PCDH9: variants seen among roughly 807,000 people sequenced by gnomAD.
PCDH9 encodes the protein protocadherin 9, also known as protocadherin-9.
A neutral mutation model predicts 70.6 loss-of-function variants in PCDH9; 24 were observed. The ratio of observed to expected loss-of-function variants is 0.34; its 90% confidence interval spans 0.25 to 0.48. The LOEUF is 0.48. PCDH9 is among the 20% of genes least tolerant of loss of function. PCDH9 has a pLI of 0.99. For synonymous variants in PCDH9, 562 were observed against 558.5 expected (o/e 1.01, Z -0.09); for missense variants, 1,281 against 1,503.6 (o/e 0.85, Z 2.45).
intron 2 of PCDH9, among the ~76,000 whole-genome samples, chr13:66,949,018 ACTTCT>A (rs961669796): frequency 1.1e-4 from 16 of 152,162 alleles, no homozygotes; most frequent in African/African-American, 3.9e-4. Flanking sequence ...GAAAAAAAAA[ACTTCT>A]CTTAATCTTT....
At chr13:66,785,216 G>C (rs546337784) in intron 3 of PCDH9, among the ~76,000 whole-genome samples, 5 of 151,878 alleles carry the variant, frequency 3.3e-5, no homozygotes, top group Admixed American at 2.6e-4. Flanking sequence ...GGATATTGTA[G>C]GTTTGTCTAA....
chr13:66,970,014 C>T (rs1339670656), intron 2 of PCDH9, among the ~76,000 whole-genome samples: 2 of 151,916 alleles, frequency 1.3e-5, no homozygotes, highest in Non-Finnish European at 2.9e-5. Context: ...ATTCTAGTTA[C>T]AATTGTCCCT....
intron 4 of PCDH9, among the ~76,000 whole-genome samples, chr13:66,622,346 G>A (rs538126987): frequency 2.1e-4 from 32 of 152,312 alleles, no homozygotes; most frequent in Non-Finnish European, 4.4e-5. Context: ...CCACAGCGTG[G>A]GACTGGCAGG....
At chr13:66,569,346 G>A (rs1337783370) in intron 4 of PCDH9, among the ~76,000 whole-genome samples, 1 of 151,774 alleles carries the variant, frequency 6.6e-6, no homozygotes, top group Non-Finnish European at 1.5e-5. Context: ...CAATTAGAAA[G>A]GGTAGATAAA....
At chr13:66,483,024 C>T (rs1437992736) in intron 4 of PCDH9, among the ~76,000 whole-genome samples, 1 of 152,194 alleles carries the variant, frequency 6.6e-6, no homozygotes, top group Non-Finnish European at 1.5e-5. Context: ...TTCATGGCCA[C>T]TGCAGAGAGT....
chr13:66,800,411 A>G (rs2080308546), intron 3 of PCDH9, among the ~76,000 whole-genome samples: 2 of 152,010 alleles, frequency 1.3e-5, no homozygotes, highest in Admixed American at 1.3e-4. Flanking sequence ...TTTGCACTTC[A>G]TTCTATTTTT....
chr13:66,672,690 G>A (rs2078192624), intron 3 of PCDH9, among the ~76,000 whole-genome samples: 1 of 152,198 alleles, frequency 6.6e-6, no homozygotes, highest in Admixed American at 6.5e-5. Flanking sequence ...CAGGCGCAGA[G>A]CTGCCCAAGA....
In PCDH9 at chr13:66,858,897, A is replaced by T. The variant is rs559074968; in HGVS notation, c.3138+44607T>A. ...TGACAACAGACACTTAATGCCTCATAAAGCCCCTTCTGTTGTCTCTCCGAC... is the reference window on the plus strand; with the variant it reads ...TGACAACAGACACTTAATGCCTCATTAAGCCCCTTCTGTTGTCTCTCCGAC... On this transcript the variant is annotated intron_variant, in intron 3 of 4. Coordinates refer to ENST00000377865, the MANE Select transcript of PCDH9 (RefSeq NM_203487.3). The T allele has an allele frequency of 1.2e-4, 18 of 152,278 alleles. No homozygotes were observed. In the East Asian group the frequency reaches 2.1e-3, roughly 18 times the overall value. 9.4% of individuals were successfully genotyped at this position (152,278 alleles called of 1,614,324 possible).
At chr13:66,808,413 C>T (rs2080444638) in intron 3 of PCDH9, among the ~76,000 whole-genome samples, 1 of 151,966 alleles carries the variant, frequency 6.6e-6, no homozygotes, top group Admixed American at 6.6e-5. Context: ...ATAACAAATA[C>T]AAGATATATA....
At chr13:66,494,376 G>A (rs892570093) in intron 4 of PCDH9, among the ~76,000 whole-genome samples, 5 of 152,050 alleles carry the variant, frequency 3.3e-5, no homozygotes, top group African/African-American at 9.7e-5. Flanking sequence ...AGGTTTACAC[G>A]GACAACAAAT....
intron 2 of PCDH9, among the ~76,000 whole-genome samples, chr13:66,979,484 G>A (rs936477193): frequency 6.6e-6 from 1 of 152,004 alleles, no homozygotes; most frequent in Non-Finnish European, 1.5e-5. Context: ...GTGATCTAGA[G>A]CCCATTCCCT....
intron 4 of PCDH9, among the ~76,000 whole-genome samples, chr13:66,529,606 T>C (rs981880061): frequency 6.6e-6 from 1 of 152,086 alleles, no homozygotes; most frequent in African/African-American, 2.4e-5. Context: ...GAATTAAATA[T>C]TATGCAATCT....
At chr13:66,325,011 A>C (rs1368292954) in intron 4 of PCDH9, among the ~76,000 whole-genome samples, 1 of 151,878 alleles carries the variant, frequency 6.6e-6, no homozygotes, top group Non-Finnish European at 1.5e-5. Context: ...TTCTATCTAA[A>C]ATTTGACTAA....
intron 2 of PCDH9, among the ~76,000 whole-genome samples, chr13:67,011,252 A>G (rs1421429787): frequency 6.6e-6 from 1 of 151,908 alleles, no homozygotes; most frequent in Non-Finnish European, 1.5e-5. Context: ...AACATCAGGA[A>G]ACAGAAAAAT....
At chr13:66,536,127 T>C (rs2138644502) in intron 4 of PCDH9, among the ~76,000 whole-genome samples, 1 of 152,170 alleles carries the variant, frequency 6.6e-6, no homozygotes, top group Non-Finnish European at 1.5e-5. Flanking sequence ...TTTCCATTAA[T>C]ATCTCAATTG....
At position 67,111,183 on chromosome 13, in the gene PCDH9, C is replaced by T. The variant is rs116874151; in HGVS notation, c.3036+114222G>A. 2.2e-3 allele frequency among the ~76,000 whole-genome samples: 338 copies of T among 152,240 alleles called. 9 individuals carry two copies. In the East Asian group the frequency reaches 0.05, roughly 23 times the overall value. ...TATATATGTTTATTTATAATATTTT[C>T]TAATCACTTTTTGTAAAATAAGCAT... On this transcript the variant is annotated intron_variant, in intron 2 of 4. Transcript: ENST00000377865.
intron 3 of PCDH9, among the ~76,000 whole-genome samples, chr13:66,707,154 C>A (rs1028073906): frequency 2.6e-5 from 4 of 152,104 alleles, no homozygotes; most frequent in African/African-American, 9.7e-5. Context: ...AGAGGTGAAC[C>A]TAGCATGGTC....
chr13:66,483,076 G>A (rs1361483040), intron 4 of PCDH9, among the ~76,000 whole-genome samples: 3 of 152,072 alleles, frequency 2.0e-5, no homozygotes, highest in Non-Finnish European at 4.4e-5. Context: ...ATTGATGCTA[G>A]AAAAAAATAT....
chr13:66,829,666 C>G (rs563675305), intron 3 of PCDH9, among the ~76,000 whole-genome samples: 1 of 132,060 alleles, frequency 7.6e-6, no homozygotes, highest in Non-Finnish European at 1.5e-5. Context: ...TGCAGTGAGC[C>G]GAGATCGCGC....
Sources: gnomAD v4.1 joint callset for allele counts (sites outside exome capture counted in the v4.1 genomes callset) on GRCh38, gnomAD v4.1.1 for gene constraint, MANE v1.5 for transcripts, NCBI Gene and HGNC (gene_info 2026-07-23, HGNC 2026-07-21) for gene names.